The following DNAAF9 variants were observed in gnomAD, a reference collection of about 807,000 sequenced individuals.
DNAAF9 encodes the protein shulin.
DNAAF9 carries 90 observed loss-of-function variants against 167.0 expected under a neutral mutation model. The observed-to-expected ratio is 0.54, with a 90% CI of 0.45 to 0.64. The LOEUF is 0.64. Among genes scored for constraint, DNAAF9 ranks in the 30% least tolerant of loss-of-function variants. The pLI, the probability that DNAAF9 is intolerant of heterozygous loss-of-function variation, is 0.00. For synonymous variants in DNAAF9, 491 were observed against 508.8 expected (o/e 0.96, Z 0.47); for missense variants, 1,315 against 1,442.2 (o/e 0.91, Z 1.43).
Position 3,332,351 on chromosome 20 carries a change from C to T in DNAAF9, c.992G>A (p.Cys331Tyr). ...GSFAKHMVAQ[C>Y]VSPKGPLACS... ...AGCAAGAGGTCCCTTTGGTGAGACA[C>T]ACTGGGCTACCTGGATGTCAGAAAA... Residue 331 changes from cysteine to tyrosine, a missense_variant, in exon 11 of 37, where the codon TGT becomes TAT. This residue lies in a region of DNAAF9 where 981 missense variants were observed against 1,012.5 expected (regional missense o/e 0.97). Transcript: ENST00000252032. 6.3e-7 allele frequency: 1 copy of T among 1,594,134 alleles called. No homozygotes were observed.
intron 16 of DNAAF9, among the ~76,000 whole-genome samples, chr20:3,319,827 T>A (rs1004595048): frequency 2.6e-5 from 4 of 152,228 alleles, no homozygotes; most frequent in African/African-American, 4.8e-5. Context: ...GGCGTCTATA[T>A]TTGAATTAAC....
chr20:3,296,566 G>A (rs1014833907), intron 23 of DNAAF9: 6 of 370,360 alleles, frequency 1.6e-5, no homozygotes, highest in African/African-American at 4.1e-5. Flanking sequence ...TTGTAGGGAC[G>A]GGGTCTCACT....
chr20:3,322,095 G>C (rs2069625825), intron 16 of DNAAF9, 122 bp downstream of exon 16: 1 of 700,364 alleles, frequency 1.4e-6, no homozygotes, highest in Non-Finnish European at 2.6e-6. Flanking sequence ...AGGACTGAGA[G>C]AAGATCAGCT....
chr20:3,304,141 C>T (rs2069244364), intron 21 of DNAAF9, among the ~76,000 whole-genome samples: 1 of 152,194 alleles, frequency 6.6e-6, no homozygotes, highest in Non-Finnish European at 1.5e-5. Context: ...GCCTTCTCAG[C>T]CTGCTTTATA....
intron 21 of DNAAF9, among the ~76,000 whole-genome samples, chr20:3,299,714 T>C (rs1378086410): frequency 2.0e-5 from 3 of 152,248 alleles, no homozygotes; most frequent in African/African-American, 7.2e-5. Flanking sequence ...GGGCTCTCCA[T>C]GGGTCTAGTC....
At chr20:3,298,300 G>A in intron 21 of DNAAF9, 125 bp from the exon 22 acceptor site, 2 of 794,050 alleles carry the variant, frequency 2.5e-6, no homozygotes, top group South Asian at 1.8e-5. Context: ...AGTTCACTGT[G>A]GTTCAGTATA....
chr20:3,251,351 A>G lies in DNAAF9; in HGVS notation c.*1221T>C, dbSNP rs760377171. On this transcript the variant is annotated 3_prime_UTR_variant, in exon 37 of 37. Coordinates refer to ENST00000252032, the MANE Select transcript of DNAAF9 (RefSeq NM_001009984.3). ...TTCTTCCTAAGGCATGCAAAAAAAA[A>G]TATGTGAAATTCAGAAAACATTTAC... 1 of 152,020 alleles carries G rather than the reference A, an allele frequency of 6.6e-6. No homozygotes were observed. The highest frequency in any genetic ancestry group is 1.9e-4 in the East Asian group (1 of 5,196). 9.4% of individuals were successfully genotyped at this position (152,020 alleles called of 1,614,324 possible). A position where few individuals can be genotyped will look rare whatever the true frequency, so the allele number is the denominator to read the frequency against.
At chr20:3,277,597 T>C (rs1195247985) in intron 29 of DNAAF9, among the ~76,000 whole-genome samples, 1 of 152,000 alleles carries the variant, frequency 6.6e-6, no homozygotes, top group Non-Finnish European at 1.5e-5. Context: ...CTAGGAGTCA[T>C]CCTAGATACC....
At chr20:3,259,737 AC>A (rs2068347167) in intron 32 of DNAAF9, among the ~76,000 whole-genome samples, 183 bp from the exon 33 acceptor site, 2 of 152,136 alleles carry the variant, frequency 1.3e-5, no homozygotes, top group African/African-American at 4.8e-5. Context: ...GGGAGGGAAA[AC>A]CCTTTCACTG....
At position 3,340,542 on chromosome 20, in the gene DNAAF9, G is replaced by A. The variant is rs757780279; in HGVS notation, c.943C>T (p.Arg315Ter). The A allele has an allele frequency of 9.3e-6, 15 of 1,606,570 alleles. No homozygotes were observed. The highest frequency in any genetic ancestry group is 2.3e-5 in the East Asian group (1 of 44,398). The change falls in exon 10 of 37, where the codon CGA becomes TGA. Residue 315 changes from arginine (R) to a stop codon, truncating the protein, a stop_gained. Transcript: ENST00000252032. LOFTEE classifies it high-confidence loss of function. ...AAGCTCCCGCCGGGACCAGTGCTTC[G>A]TACCAGATGTCCTTCAGAAGGGAAG... Reference protein sequence around the residue: ...FNFPSEGHLVRSTGPGGSFAK... With the variant: ...FNFPSEGHLV
chr20:3,374,953 A>G (rs1039852315), intron 5 of DNAAF9, 77 bp downstream of exon 5: 41 of 771,016 alleles, frequency 5.3e-5, no homozygotes, highest in Middle Eastern at 2.3e-4. Flanking sequence ...AATGCCCCCA[A>G]TGAAAGGAAA....
intron 29 of DNAAF9, among the ~76,000 whole-genome samples, chr20:3,277,423 C>T (rs982093762): frequency 9.9e-5 from 15 of 152,208 alleles, no homozygotes; most frequent in East Asian, 3.8e-4. Context: ...TATCTGGATA[C>T]TGGCTGACTA....
intron 34 of DNAAF9, among the ~76,000 whole-genome samples, chr20:3,255,543 G>GTAGATTC (rs2068264578): frequency 6.6e-6 from 1 of 152,130 alleles, no homozygotes; most frequent in Non-Finnish European, 1.5e-5. Flanking sequence ...GTGCCTCTTT[G>GTAGATTC]TAGATTCTTA....
intron 10 of DNAAF9, among the ~76,000 whole-genome samples, chr20:3,337,818 T>G (rs1002158832): frequency 6.6e-6 from 1 of 151,982 alleles, no homozygotes; most frequent in Non-Finnish European, 1.5e-5. Flanking sequence ...CACTCACTCA[T>G]CTACATGCTG....
chr20:3,321,520 T>A (rs191693932), intron 16 of DNAAF9, among the ~76,000 whole-genome samples: 4 of 152,230 alleles, frequency 2.6e-5, no homozygotes, highest in African/African-American at 9.6e-5. Context: ...TTGACCAAGA[T>A]GTCCTTTTGT....
chr20:3,337,172 C>T (rs2069973660), intron 10 of DNAAF9, among the ~76,000 whole-genome samples: 2 of 151,950 alleles, frequency 1.3e-5, no homozygotes, highest in Non-Finnish European at 2.9e-5. Context: ...AGCCACCACG[C>T]CTGGCCTCAA....
chr20:3,303,241 C>CA (rs778026384), intron 21 of DNAAF9, among the ~76,000 whole-genome samples: 7,665 of 117,862 alleles, frequency 0.065, 323 homozygotes, highest in African/African-American at 0.15. Context: ...GACTCTGTCT[C>CA]AAAAAAAAAA....
chr20:3,265,044 G>C (rs948191459), intron 30 of DNAAF9, among the ~76,000 whole-genome samples: 1 of 152,032 alleles, frequency 6.6e-6, no homozygotes, highest in Non-Finnish European at 1.5e-5. Flanking sequence ...ACAGAACTAC[G>C]ATATCATGAT....
chr20:3,329,357 CA>C (rs1191866665), intron 12 of DNAAF9, among the ~76,000 whole-genome samples: 1 of 152,154 alleles, frequency 6.6e-6, no homozygotes, highest in East Asian at 1.9e-4. Context: ...CAGAGTTCCA[CA>C]GGGTTTCCCA....
Sources: allele counts gnomAD v4.1 joint callset (sites outside exome capture counted in the v4.1 genomes callset), GRCh38; gene constraint gnomAD v4.1.1; regional missense constraint gnomAD v4.1.1; transcripts MANE v1.5; gene names NCBI Gene and HGNC (gene_info 2026-07-23, HGNC 2026-07-21).